MMEL1: variants seen among roughly 807,000 people sequenced by gnomAD.
MMEL1 encodes the protein membrane metalloendopeptidase like 1, also known as membrane metallo-endopeptidase-like 1.
A neutral mutation model predicts 117.1 loss-of-function variants in MMEL1; 98 were observed. The observed-to-expected ratio is 0.84, with a 90% confidence interval of 0.71 to 0.99. MMEL1 has a LOEUF of 0.99. MMEL1 is among the 50% of genes least tolerant of loss of function. MMEL1 has a pLI of 0.00. For missense variants in MMEL1, 1,014 were observed against 1,049.1 expected, an observed-to-expected ratio of 0.97 and a Z score of 0.46; for synonymous variants, 390 against 415.1, an observed-to-expected ratio of 0.94 and a Z score of 0.74.
At chr1:2,625,369 A>C (rs1638230162) in intron 2 of MMEL1, among the ~76,000 whole-genome samples, 1 of 152,240 alleles carries the variant, frequency 6.6e-6, no homozygotes, top group Non-Finnish European at 1.5e-5. Flanking sequence ...AAAGGCTGCC[A>C]GTGTCGAGCG....
chr1:2,604,120 GCTCCCCACC>G lies in MMEL1; in HGVS notation c.951+18_951+26del. On this transcript the variant is annotated intron_variant, in intron 10 of 23. Transcript: ENST00000378412. Reference sequence around the variant, plus strand: ...GGGGCTCCCAGCCCACTCGCTGCCCGCTCCCCACCCGCCCCGGCCCCCTTACCTTGGCCA... The same window carrying G: ...GGGGCTCCCAGCCCACTCGCTGCCCGCGCCCCGGCCCCCTTACCTTGGCCA... 1 of 1,330,070 alleles carries G rather than the reference GCTCCCCACC, an allele frequency of 7.5e-7. No individual in the cohort carries two copies. The highest frequency in any genetic ancestry group is 1.1e-6 in the Non-Finnish European group (1 of 930,918). The allele number at this position is 1,330,070 out of a possible 1,614,324, so 82.4% of individuals were successfully genotyped here.
chr1:2,628,688 G>A (rs574762317), intron 2 of MMEL1, among the ~76,000 whole-genome samples: 135 of 150,278 alleles, frequency 9.0e-4, no homozygotes, highest in Non-Finnish European at 1.5e-3. Context: ...GTGGGGGCGG[G>A]GGGAGTGTTC....
intron 12 of MMEL1, 109 bp from the exon 13 acceptor site, chr1:2,598,409 G>A (rs1644880742): frequency 7.9e-7 from 1 of 1,265,500 alleles, no homozygotes; most frequent in African/African-American, 1.5e-5. Context: ...GAGAGTTATG[G>A]GTGCTGGAGA....
rs1249527316 is a variant in MMEL1 at position 2,592,719 on chromosome 1, AC to A, written c.2002del (p.Val668Ter). 6.2e-7 allele frequency: 1 copy of A among 1,610,280 alleles called. No homozygotes were observed. Among genetic ancestry groups the A allele is most frequent in the Non-Finnish European group, 8.5e-7 (1 of 1,178,856 alleles). ...TTCCCCAAGGGTGTTGAATCCGTTCACCTGCGCACAGGAGACAGGATTGGGG... is the reference window on the plus strand; with the variant it reads ...TTCCCCAAGGGTGTTGAATCCGTTCACTGCGCACAGGAGACAGGATTGGGG... Reference protein sequence around the residue: ...YSWDLADEQNVNGFNTLGENI... With the variant: ...YSWDLADEQNXNGFNTLGENI... On this transcript the variant is annotated frameshift_variant and splice_region_variant, in exon 21 of 24. Transcript: ENST00000378412. LOFTEE classifies it high-confidence loss of function.
At chr1:2,605,468 A>C (rs961590605) in intron 9 of MMEL1, 90 bp downstream of exon 9, 1 of 1,122,574 alleles carries the variant, frequency 8.9e-7, no homozygotes, top group African/African-American at 1.5e-5. Flanking sequence ...AGCTTCGGGG[A>C]GGGAAGGCCA....
chr1:2,631,698 G>A (rs1472643045), intron 1 of MMEL1, among the ~76,000 whole-genome samples: 3 of 151,956 alleles, frequency 2.0e-5, no homozygotes, highest in East Asian at 1.9e-4. Context: ...TTCCTTTGAC[G>A]CCCTCTGCTG....
chr1:2,626,073 T>C (rs1317385519), intron 2 of MMEL1, among the ~76,000 whole-genome samples: 1 of 152,182 alleles, frequency 6.6e-6, no homozygotes, highest in Non-Finnish European at 1.5e-5. Context: ...ATCTTCCCAG[T>C]GGGCAGAACT....
rs772154735 is a variant in MMEL1 at position 2,593,808 on chromosome 1, G to A, written c.1867+6C>T. The A allele has an allele frequency of 1.0e-5, 16 of 1,594,714 alleles. No homozygotes were observed. The African/African-American group carries it at 1.3e-4, about 13-fold the overall frequency. On this transcript the variant is annotated splice_donor_region_variant and intron_variant, in intron 19 of 23. Coordinates refer to ENST00000378412, the MANE Select transcript of MMEL1 (RefSeq NM_033467.4). ...GGCGTGTGTGATTGGAGGGGCGGCC[G>A]CTCACCATTGTCGTCAAAGCCGTGC...
chr1:2,594,988 C>T, intron 16 of MMEL1, 95 bp from the exon 17 acceptor site: 2 of 1,077,992 alleles, frequency 1.9e-6, no homozygotes, highest in Admixed American at 2.1e-5. Flanking sequence ...GACCTCAAGC[C>T]TTGCCAGGCG....
chr1:2,623,491 C>A (rs1317292303), intron 2 of MMEL1, among the ~76,000 whole-genome samples: 6 of 152,142 alleles, frequency 3.9e-5, no homozygotes, highest in Non-Finnish European at 5.9e-5. Flanking sequence ...GTGATAAGGC[C>A]CTCCAAGGAA....
At chr1:2,632,838 C>T in intron 1 of MMEL1, 28 bp downstream of exon 1, 1 of 985,134 alleles carries the variant, frequency 1.0e-6, no homozygotes. Context: ...GGAAAGCAGG[C>T]CGGGTACCTT....
At chr1:2,624,016 G>A (rs1160512245) in intron 2 of MMEL1, among the ~76,000 whole-genome samples, 12 of 152,178 alleles carry the variant, frequency 7.9e-5, no homozygotes, top group Admixed American at 7.9e-4. Flanking sequence ...GGCAACTCAG[G>A]CACAGGGCGA....
chr1:2,605,697 C>CT, intron 8 of MMEL1, 74 bp from the exon 9 acceptor site: 3 of 1,134,668 alleles, frequency 2.6e-6, no homozygotes, highest in Non-Finnish European at 3.9e-6. Context: ...AGGCTGCAGC[C>CT]GCCTCCCCAC....
At chr1:2,598,369 T>A in intron 12 of MMEL1, 69 bp from the exon 13 acceptor site, 1 of 1,500,654 alleles carries the variant, frequency 6.7e-7, no homozygotes, top group African/African-American at 1.4e-5. Context: ...AGATATGGCT[T>A]AGGGCCCTTG....
chr1:2,611,149 C>T (rs1645118933), intron 4 of MMEL1, 132 bp downstream of exon 4: 8 of 884,100 alleles, frequency 9.0e-6, no homozygotes, highest in Admixed American at 2.6e-5. Context: ...AGTCCGAGTC[C>T]GGCCCACCCG....
intron 1 of MMEL1, among the ~76,000 whole-genome samples, chr1:2,630,704 C>T (rs1638519200): frequency 6.8e-6 from 1 of 146,536 alleles, no homozygotes; most frequent in African/African-American, 2.6e-5. Context: ...CTCGTGTGTG[C>T]ACGTGTGTGA....
Position 2,602,328 on chromosome 1 carries a change from C to T in MMEL1, c.1041+1556G>A, listed in dbSNP as rs76202520. ...TTCACTCTGGGGCGATTCTGAACATCATAAATGCATTGTAAACCAAATGTC... is the reference window on the plus strand; with the variant it reads ...TTCACTCTGGGGCGATTCTGAACATTATAAATGCATTGTAAACCAAATGTC... On this transcript the variant is annotated intron_variant, in intron 11 of 23. Transcript: ENST00000378412. 6.2e-3 allele frequency among the ~76,000 whole-genome samples: 948 copies of T among 152,224 alleles called. 46 individuals carry two copies. In the East Asian group the frequency reaches 0.13, roughly 20 times the overall value.
chr1:2,629,663 A>G, intron 1 of MMEL1, 142 bp from the exon 2 acceptor site: 1 of 701,904 alleles, frequency 1.4e-6, no homozygotes, highest in East Asian at 3.3e-5. Flanking sequence ...CCAAGCTCAC[A>G]ACCCTGGGTG....
intron 2 of MMEL1, among the ~76,000 whole-genome samples, chr1:2,629,118 A>G (rs1638412811): frequency 6.6e-6 from 1 of 152,028 alleles, no homozygotes; most frequent in Non-Finnish European, 1.5e-5. Context: ...GCTTTCTGGA[A>G]GGGACCGCGG....
Sources: allele counts gnomAD v4.1 joint callset (sites outside exome capture counted in the v4.1 genomes callset), GRCh38; gene constraint gnomAD v4.1.1; transcripts MANE v1.5; gene names NCBI Gene and HGNC (gene_info 2026-07-23, HGNC 2026-07-21).